The following CEP97 variants were observed in gnomAD, a reference collection of about 807,000 sequenced individuals.
CEP97 encodes centrosomal protein 97, also known as centrosomal protein of 97 kDa.
Under a neutral mutation model 73.1 loss-of-function variants are expected in CEP97, and 43 were observed. The observed-to-expected ratio is 0.59, with a 90% CI of 0.46 to 0.76. The LOEUF (loss-of-function observed/expected upper bound fraction) is 0.76, where lower values mean the gene tolerates loss of function less well. Ranked by LOEUF, CEP97 falls within the 30% of genes least tolerant of loss-of-function variation. The pLI is 0.00. For synonymous variants in CEP97, 337 were observed against 370.0 expected (o/e 0.91, Z 1.02); for missense variants, 939 against 1,014.0 (o/e 0.93, Z 1.00).
intron 6 of CEP97, among the ~76,000 whole-genome samples, chr3:101,746,425 G>A (rs1312487101): frequency 6.6e-6 from 1 of 150,684 alleles, no homozygotes; most frequent in Non-Finnish European, 1.5e-5. Context: ...CAAGCAATGG[G>A]GAAAGGATTC....
chr3:101,750,697 C>T (rs1430105246), intron 6 of CEP97, among the ~76,000 whole-genome samples: 2 of 152,148 alleles, frequency 1.3e-5, no homozygotes, highest in Admixed American at 6.6e-5. Context: ...AGTTTATTTG[C>T]GTAGAGGTGT....
chr3:101,761,847 A>G (rs1939185699), intron 9 of CEP97, among the ~76,000 whole-genome samples: 1 of 152,194 alleles, frequency 6.6e-6, no homozygotes, highest in Admixed American at 6.5e-5. Context: ...ATGGATCACT[A>G]AAGGAGGAGC....
At chr3:101,727,637 C>A in intron 3 of CEP97, 96 bp downstream of exon 3, 2 of 990,988 alleles carry the variant, frequency 2.0e-6, no homozygotes, top group Non-Finnish European at 1.5e-6. Context: ...AGTACCCACT[C>A]CCACTCTCCA....
chr3:101,753,043 C>T (rs369126776), intron 6 of CEP97, among the ~76,000 whole-genome samples: 9 of 151,980 alleles, frequency 5.9e-5, no homozygotes, highest in Admixed American at 3.9e-4. Context: ...TTTTGGTCTT[C>T]GATGATGGTG....
At chr3:101,756,745 A>G (rs553410834) in intron 7 of CEP97, among the ~76,000 whole-genome samples, 3 of 152,206 alleles carry the variant, frequency 2.0e-5, no homozygotes, top group South Asian at 4.1e-4. Context: ...CTGCCTTCAA[A>G]GGGTACAGTG....
rs775781693 is a variant in CEP97, at chr3:101,765,314, G to C, written c.2361G>C (p.Glu787Asp). The C allele has an allele frequency of 1.9e-6, 3 of 1,614,164 alleles. No individual in the cohort carries two copies. In the Admixed American group the frequency reaches 5.0e-5, roughly 27 times the overall value. The change falls in exon 11 of 11, where the codon GAG becomes GAC. Residue 787 changes from glutamate (E) to aspartate (D), a missense_variant. Physicochemically the swap from Glu to Asp is conservative, Grantham distance 45. Transcript: ENST00000341893. ...TSVQQLEDAD[E>D]RTNFDTETRD... ...TTCAACAGCTGGAAGATGCTGATGAGAGGACCAATTTTGATACAGAGACAA... is the reference window on the plus strand; with the variant it reads ...TTCAACAGCTGGAAGATGCTGATGACAGGACCAATTTTGATACAGAGACAA...
Position 101,727,531 on chromosome 3 carries a change from ATAATCT to A in CEP97, c.339_344del (p.Asn113_Leu114del). 2.5e-6 allele frequency: 4 copies of A among 1,609,994 alleles called. No individual in the cohort carries two copies. Among genetic ancestry groups the A allele is most frequent in the Non-Finnish European group, 3.4e-6 (4 of 1,178,256 alleles). On this transcript the variant is annotated inframe_deletion, in exon 3 of 11. Transcript: ENST00000341893. ...CTGGAATGGCTGAATTTGGCAGGAA[ATAATCT>A]TAAGGTGAATGGTTTCTTTTTTGTT...
intron 4 of CEP97, among the ~76,000 whole-genome samples, chr3:101,729,189 CCAAAAATTA>C (rs1286518378): frequency 6.6e-6 from 1 of 151,814 alleles, no homozygotes; most frequent in Non-Finnish European, 1.5e-5. Flanking sequence ...ACTAAAAATA[CCAAAAATTA>C]GTGGGGCATA....
At chr3:101,751,465 G>C (rs893633120) in intron 6 of CEP97, among the ~76,000 whole-genome samples, 3 of 152,074 alleles carry the variant, frequency 2.0e-5, no homozygotes, top group African/African-American at 4.8e-5. Context: ...TCCTGGGTAT[G>C]CTTGTTAACT....
chr3:101,735,408 G>C (rs1440215405), intron 6 of CEP97, among the ~76,000 whole-genome samples: 1 of 152,194 alleles, frequency 6.6e-6, no homozygotes, highest in Admixed American at 6.5e-5. Context: ...TGGCTGGCAA[G>C]ATGGCTGAAT....
intron 7 of CEP97, 39 bp downstream of exon 7, chr3:101,755,633 G>A (rs370909800): frequency 6.3e-7 from 1 of 1,595,014 alleles, no homozygotes; most frequent in Non-Finnish European, 8.6e-7. Flanking sequence ...GAATTCACAA[G>A]TTAAAATACC....
intron 1 of CEP97, 99 bp from the exon 2 acceptor site, chr3:101,726,495 T>C (rs1937892067): frequency 1.2e-6 from 1 of 814,208 alleles, no homozygotes; most frequent in East Asian, 2.9e-5. Context: ...GTTCTTTAAC[T>C]TGAAATGGTA....
In CEP97 at chr3:101,766,375, C is replaced by T. The variant is rs1289939473; in HGVS notation, c.*824C>T. ...CACCCTATAGGTAAGCATTTTTGTG[C>T]CAACATGTTGTCAGAAATTAATGTA... On this transcript the variant is annotated 3_prime_UTR_variant, in exon 11 of 11. Transcript: ENST00000341893. The T allele has an allele frequency of 2.6e-5, 4 of 152,526 alleles. No individual in the cohort carries two copies. The highest frequency in any genetic ancestry group is 9.7e-5 in the African/African-American group (4 of 41,412). The allele number at this position is 152,526 out of a possible 1,614,324, so 9.4% of individuals were successfully genotyped here.
At position 101,765,395 on chromosome 3, in the gene CEP97, C is replaced by T. The variant is rs369537927; in HGVS notation, c.2442C>T (p.Asp814=). 15 of 1,613,988 alleles carry T rather than the reference C, an allele frequency of 9.3e-6. No individual in the cohort carries two copies. The highest frequency in any genetic ancestry group is 1.6e-4 in the Middle Eastern group (1 of 6,084). ...CFPVQLDTLS[D]GASVDESHGI... ...CAGTACAGTTAGATACATTGTCTGA[C>T]GGTGCTTCTGTAGATGAGAGTCATG... is the stretch of plus-strand genomic sequence containing the variant. Residue 814 remains aspartate, a synonymous_variant, in exon 11 of 11, where the codon GAC becomes GAT. Transcript: ENST00000341893.
Position 101,728,674 on chromosome 3 carries a change from C to T in CEP97, c.346-162C>T, listed in dbSNP as rs1937985209. ...TGTACGTTTACAACCTGACAATCTA[C>T]TAAATTCTGTTAGTACTGCCCCTTT... On this transcript the variant is annotated intron_variant, in intron 3 of 10. Transcript: ENST00000341893. 5 of 598,672 alleles carry T rather than the reference C, an allele frequency of 8.4e-6. No homozygotes were observed. The South Asian group carries it at 1.1e-4, about 13-fold the overall frequency. 37.1% of individuals were successfully genotyped at this position (598,672 alleles called of 1,614,324 possible).
intron 6 of CEP97, among the ~76,000 whole-genome samples, chr3:101,734,625 A>G (rs1316302268): frequency 1.3e-5 from 2 of 152,156 alleles, no homozygotes; most frequent in Admixed American, 6.5e-5. Flanking sequence ...GGTGAGGGAC[A>G]TATGTCAGGT....
chr3:101,759,628 CA>C lies in CEP97; in HGVS notation c.1817+1206del, dbSNP rs1315880236. 3 of 152,196 alleles carry C rather than the reference CA, an allele frequency of 2.0e-5. No individual in the cohort carries two copies. The East Asian group carries it at 5.8e-4, about 29-fold the overall frequency. 9.4% of individuals were successfully genotyped at this position (152,196 alleles called of 1,614,324 possible). A position where few individuals can be genotyped will look rare whatever the true frequency, so the allele number is the denominator to read the frequency against. On this transcript the variant is annotated intron_variant, in intron 9 of 10. Coordinates refer to ENST00000341893, the MANE Select transcript of CEP97 (RefSeq NM_024548.4). ...CCAGGTGTATAAAGATATTCTTTTT[CA>C]GTCAGGATATTCCAAGGGCTTGGAG...
In CEP97 at chr3:101,732,663, G is replaced by A; in HGVS notation, c.728+9G>A. 6.3e-7 allele frequency: 1 copy of A among 1,595,582 alleles called. No individual in the cohort carries two copies. The highest frequency in any genetic ancestry group is 8.6e-7 in the Non-Finnish European group (1 of 1,166,794). Reference sequence around the variant, plus strand: ...ATTTCTCAGAAGGAAAGGTAAACATGTGCTCTTTAACATCACAAATGTTAC... The same window carrying A: ...ATTTCTCAGAAGGAAAGGTAAACATATGCTCTTTAACATCACAAATGTTAC... On this transcript the variant is annotated intron_variant, in intron 6 of 10. Transcript: ENST00000341893.
At chr3:101,764,563 A>G (rs1347480926) in intron 10 of CEP97, among the ~76,000 whole-genome samples, 3 of 151,372 alleles carry the variant, frequency 2.0e-5, no homozygotes, top group Non-Finnish European at 4.4e-5. Context: ...GTAAGCCGAG[A>G]TTGTGCCATT....
Sources: gnomAD v4.1 joint callset for allele counts (sites outside exome capture counted in the v4.1 genomes callset) on GRCh38, gnomAD v4.1.1 for gene constraint, MANE v1.5 for transcripts, NCBI Gene and HGNC (gene_info 2026-07-23, HGNC 2026-07-21) for gene names.